Variants in STOX2 observed in about 807,000 individuals in gnomAD.
STOX2 encodes the protein storkhead box 2, also known as storkhead-box protein 2.
Under a neutral mutation model 60.9 loss-of-function variants are expected in STOX2, and 28 were observed. The observed-to-expected ratio is 0.46, with a 90% CI of 0.34 to 0.63. STOX2 has a LOEUF of 0.63. Among genes scored for constraint, STOX2 ranks in the 30% least tolerant of loss-of-function variants. The pLI, the probability that STOX2 is intolerant of heterozygous loss-of-function variation, is 0.01. For synonymous variants in STOX2, 472 were observed against 463.9 expected (o/e 1.02, Z -0.22); for missense variants, 1,024 against 1,187.7 (o/e 0.86, Z 2.03).
rs529447629 is a variant in STOX2, at chr4:183,937,651, G to A, written c.166+30695G>A. On this transcript the variant is annotated intron_variant, in intron 1 of 3. Coordinates refer to ENST00000308497, the MANE Select transcript of STOX2 (RefSeq NM_020225.3). ...CTCATTGAGCTCATTCAGGTGTGGTGTGACCTGCAGAACAGTCACGCTCAG... is the reference window on the plus strand; with the variant it reads ...CTCATTGAGCTCATTCAGGTGTGGTATGACCTGCAGAACAGTCACGCTCAG... Among the ~76,000 whole-genome samples the A allele has an allele frequency of 1.1e-4, 16 of 152,308 alleles. No individual in the cohort carries two copies. In the South Asian group the frequency reaches 2.9e-3, roughly 28 times the overall value.
Position 184,009,078 on chromosome 4 carries a change from A to G in STOX2, c.320-80A>G, listed in dbSNP as rs1734013498. The stretch of plus-strand genomic sequence containing the variant: ...TGTGATGGTACTTCGCATCTTGGCG[A>G]ATGAATAGGATCCTGGAAATCAGGA... On this transcript the variant is annotated intron_variant, in intron 2 of 3. Coordinates refer to ENST00000308497, the MANE Select transcript of STOX2 (RefSeq NM_020225.3). The surrounding 1 kb of genome is among the most constrained non-coding windows in gnomAD (Gnocchi z 4.0). 1.8e-6 allele frequency: 2 copies of G among 1,139,076 alleles called. No individual in the cohort carries two copies. Among genetic ancestry groups the G allele is most frequent in the Middle Eastern group, 2.6e-4 (1 of 3,806 alleles). 70.6% of individuals were successfully genotyped at this position (1,139,076 alleles called of 1,614,324 possible).
At chr4:183,860,442 CAA>C (rs35753992) in intron 1 of STOX2, among the ~76,000 whole-genome samples, 4 of 121,536 alleles carry the variant, frequency 3.3e-5, no homozygotes, top group African/African-American at 1.2e-4. Context: ...AAACAAAAAA[CAA>C]AAAAAAAAAA....
chr4:183,798,918 A>AAAGCGTG (rs1448922262), intron 1 of STOX2: 5 of 445,514 alleles, frequency 1.1e-5, no homozygotes, highest in African/African-American at 1.0e-4. Flanking sequence ...TTGTACTATT[A>AAAGCGTG]CATAGTAAAT....
intron 1 of STOX2, among the ~76,000 whole-genome samples, chr4:183,815,681 T>C (rs1351324585): frequency 6.6e-6 from 1 of 152,196 alleles, no homozygotes; most frequent in Admixed American, 6.5e-5. Context: ...GAGATATTAA[T>C]TACAGGACAC....
intron 1 of STOX2, among the ~76,000 whole-genome samples, chr4:183,850,557 C>T (rs59145383): frequency 0.089 from 13,435 of 151,672 alleles, 780 homozygotes; most frequent in African/African-American, 0.15. Flanking sequence ...GGTGAAACCC[C>T]GTCTCTACTA....
At chr4:183,951,170 G>C (rs544628945) in intron 1 of STOX2, among the ~76,000 whole-genome samples, 22 of 149,728 alleles carry the variant, frequency 1.5e-4, no homozygotes, top group African/African-American at 2.2e-4. Flanking sequence ...AGCCGAGATC[G>C]CGCCACTGCA....
intron 1 of STOX2, among the ~76,000 whole-genome samples, chr4:183,850,653 C>G (rs1384645974): frequency 6.6e-6 from 1 of 151,952 alleles, no homozygotes; most frequent in Non-Finnish European, 1.5e-5. Context: ...TGCTTGAACC[C>G]AGGAGGTGGA....
At chr4:183,799,732 TA>T in intron 1 of STOX2, among the ~76,000 whole-genome samples, 1 of 152,260 alleles carries the variant, frequency 6.6e-6, no homozygotes, top group East Asian at 1.9e-4. Context: ...TATGCTCATG[TA>T]TTTTTTTTAT....
chr4:183,942,101 T>C (rs1179356628), intron 1 of STOX2, among the ~76,000 whole-genome samples: 1 of 152,206 alleles, frequency 6.6e-6, no homozygotes, highest in Non-Finnish European at 1.5e-5. Flanking sequence ...AAGGCATCTT[T>C]GATTTTGGCT....
chr4:183,974,005 C>G (rs543377388), intron 1 of STOX2, among the ~76,000 whole-genome samples: 1 of 151,944 alleles, frequency 6.6e-6, no homozygotes, highest in African/African-American at 2.4e-5. Context: ...AATATATACA[C>G]GTATAATAAT....
intron 1 of STOX2, among the ~76,000 whole-genome samples, chr4:183,840,361 T>C (rs1739828048): frequency 6.6e-6 from 1 of 152,176 alleles, no homozygotes; most frequent in Non-Finnish European, 1.5e-5. Context: ...CAATTCCTGT[T>C]CTCTGAAGGA....
chr4:183,988,070 G>T (rs932256508), intron 1 of STOX2: 1 of 147,190 alleles, frequency 6.8e-6, no homozygotes, highest in Non-Finnish European at 1.5e-5. Flanking sequence ...GGGCCCCTTG[G>T]AGAGGAGAGT....
At chr4:183,819,439 G>T (rs933031647) in intron 1 of STOX2, among the ~76,000 whole-genome samples, 5 of 151,852 alleles carry the variant, frequency 3.3e-5, no homozygotes, top group African/African-American at 9.7e-5. Context: ...CAGGCACTGG[G>T]CAGGTTGAGG....
chr4:183,894,232 C>T (rs191441887), intron 1 of STOX2, among the ~76,000 whole-genome samples: 18 of 152,252 alleles, frequency 1.2e-4, no homozygotes, highest in Non-Finnish European at 1.6e-4. Flanking sequence ...GAAGCTACTG[C>T]GAACTACAGT....
rs1740326578 is a variant in STOX2, at chr4:183,857,420, C to CGT, written c.364+59365_364+59366insGT. 5.6e-4 allele frequency among the ~76,000 whole-genome samples: 49 copies of CGT among 87,452 alleles called. 24 individuals carry two copies. The highest frequency in any genetic ancestry group is 1.9e-3 in the East Asian group (4 of 2,124). The allele number at this position is 87,452 out of a possible 152,430, so 57.4% of individuals were successfully genotyped here. A position where few individuals can be genotyped will look rare whatever the true frequency, so the allele number is the denominator to read the frequency against. Reference sequence around the variant, plus strand: ...TTGCCTCATAGGATTGGTCATCCCACAGGACTGGTCATCCTGCAGGACTGG... The same window carrying CGT: ...TTGCCTCATAGGATTGGTCATCCCACGTAGGACTGGTCATCCTGCAGGACTGG... On this transcript the variant is annotated intron_variant, in intron 1 of 2. Coordinates refer to the STOX2 transcript ENST00000513034.
chr4:183,854,917 A>G (rs1740251862), intron 1 of STOX2, among the ~76,000 whole-genome samples: 1 of 152,208 alleles, frequency 6.6e-6, no homozygotes, highest in South Asian at 2.1e-4. Context: ...TAGTTTGGCA[A>G]CATTAAAATC....
intron 1 of STOX2, among the ~76,000 whole-genome samples, chr4:183,887,911 T>TTTTG (rs938100851): frequency 1.8e-4 from 27 of 152,200 alleles, no homozygotes; most frequent in African/African-American, 6.5e-4. Context: ...GCCCGGCTAA[T>TTTTG]TTTGTTTGTT....
intron 3 of STOX2, among the ~76,000 whole-genome samples, chr4:184,013,695 G>A (rs1734249253): frequency 6.6e-6 from 1 of 152,202 alleles, no homozygotes; most frequent in Non-Finnish European, 1.5e-5. Flanking sequence ...GAAAGTATTT[G>A]ACTACTAGAA....
chr4:183,935,848 C>T (rs1742575344), intron 1 of STOX2, among the ~76,000 whole-genome samples: 2 of 152,124 alleles, frequency 1.3e-5, no homozygotes, highest in Admixed American at 1.3e-4. Flanking sequence ...GTTTGCATTT[C>T]AAGAGGAGGG....
Sources: allele counts gnomAD v4.1 joint callset (sites outside exome capture counted in the v4.1 genomes callset), GRCh38; gene constraint gnomAD v4.1.1; non-coding constraint Gnocchi (gnomAD v3.1); transcripts MANE v1.5; gene names NCBI Gene and HGNC (gene_info 2026-07-23, HGNC 2026-07-21).